TIPIN: variants seen among roughly 807,000 people sequenced by gnomAD.
TIPIN encodes the protein TIMELESS-interacting protein.
A neutral mutation model predicts 35.6 loss-of-function variants in TIPIN; 29 were observed. The observed-to-expected ratio is 0.82, with a 90% CI of 0.61 to 1.11. TIPIN has a LOEUF of 1.11. Among genes scored for constraint, TIPIN ranks in the 50% most tolerant of loss-of-function variants. TIPIN has a pLI of 0.00. For missense variants in TIPIN, 296 were observed against 345.4 expected (o/e 0.86, Z 1.13); for synonymous variants, 102 against 121.5 (o/e 0.84, Z 1.06).
intron 1 of TIPIN, among the ~76,000 whole-genome samples, chr15:66,384,321 G>C (rs1167641581): frequency 6.6e-6 from 1 of 151,214 alleles, no homozygotes; most frequent in Non-Finnish European, 1.5e-5. Flanking sequence ...TTGAGACAGA[G>C]TCTTGCTCTG....
At chr15:66,379,802 G>C in intron 1 of TIPIN, 1 of 1,598,682 alleles carries the variant, frequency 6.3e-7, no homozygotes, top group South Asian at 1.1e-5. Flanking sequence ...TGATGTGATT[G>C]AAGTCCCTCC....
At chr15:66,356,744 G>A (rs75421952), upstream of TIPIN, 451 of 985,408 alleles carry the variant, frequency 4.6e-4, no homozygotes, top group South Asian at 6.1e-4. Flanking sequence ...GCAGCGTTTG[G>A]CGCCAAATCC....
At chr15:66,356,460 C>T (rs1293872086) in intron 1 of TIPIN, among the ~76,000 whole-genome samples, 179 bp downstream of exon 1, 1 of 152,152 alleles carries the variant, frequency 6.6e-6, no homozygotes, top group African/African-American at 2.4e-5. Context: ...GACACGCGCC[C>T]ACCTCCCCGC....
rs1432070246 is a variant in TIPIN, at chr15:66,341,336, C to T, written c.496G>A (p.Glu166Lys). 1 of 1,612,958 alleles carries T rather than the reference C, an allele frequency of 6.2e-7. No homozygotes were observed. The highest frequency in any genetic ancestry group is 8.5e-7 in the Non-Finnish European group (1 of 1,179,564). ...AATTCAGTAGAAGTGACATCATGTT[C>T]ATTATTCTCCGCAACTTCATCTGCA... ...SNNDEVAENNEHDVTSTELDP... is the reference protein window; with the variant it reads ...SNNDEVAENNKHDVTSTELDP... Residue 166 changes from glutamate (E) to lysine (K), a missense_variant, in exon 7 of 8, where the codon GAA (glutamate) becomes AAA (lysine). Glu to Lys is a moderately conservative substitution (Grantham distance 56, BLOSUM62 1). Transcript: ENST00000261881.
chr15:66,362,465 A>T (rs1009611239), intron 1 of TIPIN, among the ~76,000 whole-genome samples: 1 of 152,156 alleles, frequency 6.6e-6, no homozygotes, highest in Non-Finnish European at 1.5e-5. Context: ...TCACGCCTGT[A>T]ATCACAGCAC....
At chr15:66,340,154 G>A (rs370414342) in intron 7 of TIPIN, among the ~76,000 whole-genome samples, 1 of 143,878 alleles carries the variant, frequency 7.0e-6, no homozygotes, top group African/African-American at 2.6e-5. Context: ...TTACAGGCGT[G>A]AGCCACTGCG....
chr15:66,346,898 TCTC>T (rs538211038), intron 6 of TIPIN, among the ~76,000 whole-genome samples: 2 of 152,096 alleles, frequency 1.3e-5, no homozygotes, highest in African/African-American at 2.4e-5. Flanking sequence ...TTCACACCAT[TCTC>T]CTGCCTCAGC....
chr15:66,371,312 A>T (rs1416652302), intron 1 of TIPIN: 25 of 984,812 alleles, frequency 2.5e-5, no homozygotes, highest in Non-Finnish European at 3.0e-5. Flanking sequence ...TATATAATTT[A>T]AAAAACAGAA....
intron 6 of TIPIN, among the ~76,000 whole-genome samples, chr15:66,344,218 C>T (rs1848443982): frequency 2.0e-5 from 3 of 152,032 alleles, no homozygotes; most frequent in South Asian, 2.1e-4. Flanking sequence ...CCTGCCTCAG[C>T]CTTCTAAATA....
chr15:66,382,680 G>C (rs544320357), intron 1 of TIPIN, among the ~76,000 whole-genome samples: 18 of 152,184 alleles, frequency 1.2e-4, no homozygotes, highest in Admixed American at 9.8e-4. Context: ...CACCACACCT[G>C]GCCTGTATTT....
chr15:66,382,789 C>A (rs2093322879), intron 1 of TIPIN: 1 of 308,824 alleles, frequency 3.2e-6, no homozygotes, highest in Admixed American at 6.5e-5. Context: ...AATAGAGCAA[C>A]CTGATATGGT....
chr15:66,380,941 G>C (rs2140502308), intron 1 of TIPIN, among the ~76,000 whole-genome samples: 1 of 152,282 alleles, frequency 6.6e-6, no homozygotes, highest in Non-Finnish European at 1.5e-5. Flanking sequence ...ATACGGGTGT[G>C]TCATAAATGA....
chr15:66,357,955 C>CAA (rs962880584), upstream of TIPIN, among the ~76,000 whole-genome samples: 1 of 138,490 alleles, frequency 7.2e-6, no homozygotes. Context: ...GACTCTGTCT[C>CAA]AAAAAAAAAA....
chr15:66,346,015 C>T (rs1039934746), intron 6 of TIPIN, among the ~76,000 whole-genome samples: 2 of 151,554 alleles, frequency 1.3e-5, no homozygotes, highest in African/African-American at 4.9e-5. Context: ...GGCGCAATCT[C>T]GGATCACTGC....
intron 6 of TIPIN, among the ~76,000 whole-genome samples, chr15:66,344,388 C>G (rs528759537): frequency 8.6e-5 from 13 of 151,706 alleles, no homozygotes; most frequent in African/African-American, 2.9e-4. Context: ...TCAAGACCAA[C>G]ATCACCAACA....
At chr15:66,341,054 G>A (rs2093082853) in intron 7 of TIPIN, 96 bp downstream of exon 7, 6 of 1,081,060 alleles carry the variant, frequency 5.6e-6, no homozygotes, top group Non-Finnish European at 8.1e-6. Context: ...TCCACTCCTA[G>A]AAGTATTTTA....
chr15:66,377,173 T>C (rs980745606), intron 1 of TIPIN, among the ~76,000 whole-genome samples: 6 of 151,932 alleles, frequency 3.9e-5, no homozygotes, highest in African/African-American at 1.5e-4. Context: ...GAGAATGCCT[T>C]TTCTCCCATA....
chr15:66,363,239 T>C (rs2093238727), intron 1 of TIPIN, among the ~76,000 whole-genome samples: 1 of 152,008 alleles, frequency 6.6e-6, no homozygotes, highest in African/African-American at 2.4e-5. Flanking sequence ...CCAGGTGTGG[T>C]GGCTCACGCC....
At chr15:66,385,355 C>T (rs145330638) in intron 1 of TIPIN, among the ~76,000 whole-genome samples, 12 of 152,290 alleles carry the variant, frequency 7.9e-5, no homozygotes, top group Non-Finnish European at 1.8e-4. Flanking sequence ...ATGTCTTTGA[C>T]ACTTAGTATT....
Sources: allele counts gnomAD v4.1 joint callset (sites outside exome capture counted in the v4.1 genomes callset), GRCh38; gene constraint gnomAD v4.1.1; transcripts MANE v1.5; gene names NCBI Gene and HGNC (gene_info 2026-07-23, HGNC 2026-07-21).